The following DAPP1 variants were observed in gnomAD, a reference collection of about 807,000 sequenced individuals.
The protein encoded by DAPP1 is dual adapter for phosphotyrosine and 3-phosphotyrosine and 3-phosphoinositide.
In DAPP1, 20 loss-of-function variants were observed where a neutral mutation model predicts 41.5. That is an observed-to-expected ratio of 0.48 (90% CI 0.34 to 0.70). DAPP1 has a LOEUF of 0.70. Among genes scored for constraint, DAPP1 ranks in the 30% least tolerant of loss-of-function variants. DAPP1 has a pLI of 0.01. For synonymous variants in DAPP1, 113 were observed against 116.2 expected, an observed-to-expected ratio of 0.97 and a Z score of 0.18; for missense variants, 233 against 333.4, an observed-to-expected ratio of 0.70 and a Z score of 2.35.
chr4:99,834,160 A>G (rs1723216403), intron 1 of DAPP1, among the ~76,000 whole-genome samples: 1 of 152,230 alleles, frequency 6.6e-6, no homozygotes, highest in South Asian at 2.1e-4. Context: ...TGGAGAAAAG[A>G]AAGATGGTGC....
intron 1 of DAPP1, among the ~76,000 whole-genome samples, chr4:99,827,292 T>G (rs550394688): frequency 3.3e-5 from 5 of 152,140 alleles, no homozygotes; most frequent in Admixed American, 2.6e-4. Context: ...CTCAGCACTT[T>G]GGGAGGCTGA....
intron 3 of DAPP1, 119 bp downstream of exon 3, chr4:99,840,541 A>C: frequency 8.4e-7 from 1 of 1,191,838 alleles, no homozygotes; most frequent in Non-Finnish European, 1.2e-6. Flanking sequence ...TATCTTGAAG[A>C]GAAAACAATG....
chr4:99,841,946 C>T (rs1271737274), intron 3 of DAPP1, among the ~76,000 whole-genome samples: 1 of 152,194 alleles, frequency 6.6e-6, no homozygotes, highest in African/African-American at 2.4e-5. Flanking sequence ...CTATTTTCAA[C>T]TTCTTTGATC....
At chr4:99,830,740 A>G (rs1723094274) in intron 1 of DAPP1, among the ~76,000 whole-genome samples, 1 of 152,006 alleles carries the variant, frequency 6.6e-6, no homozygotes, top group Admixed American at 6.6e-5. Flanking sequence ...CAGACTTTTA[A>G]TAGGAAAAAG....
chr4:99,826,256 T>C (rs1722933506), intron 1 of DAPP1, among the ~76,000 whole-genome samples: 1 of 152,208 alleles, frequency 6.6e-6, no homozygotes. Context: ...TTGTCATCTT[T>C]GGTCTAGATA....
chr4:99,869,518 G>T lies in DAPP1; in HGVS notation c.*1333G>T, dbSNP rs551734703. The T allele has an allele frequency of 6.6e-6, 1 of 152,114 alleles. No individual in the cohort carries two copies. The highest frequency in any genetic ancestry group is 1.5e-5 in the Non-Finnish European group (1 of 68,016). The allele number at this position is 152,114 out of a possible 1,614,324, so 9.4% of individuals were successfully genotyped here. On this transcript the variant is annotated 3_prime_UTR_variant, in exon 9 of 9. Coordinates refer to ENST00000512369, the MANE Select transcript of DAPP1 (RefSeq NM_014395.3). ...AGTTTCTTATTTAAACATCTCAGAC[G>T]CAAAAATTACATTAAATTTTTGTAT...
intron 6 of DAPP1, among the ~76,000 whole-genome samples, chr4:99,863,331 T>C (rs886305463): frequency 2.0e-5 from 3 of 152,180 alleles, no homozygotes; most frequent in Non-Finnish European, 4.4e-5. Flanking sequence ...GACAATGTAA[T>C]TATTCTCTTG....
At chr4:99,853,101 C>G in intron 3 of DAPP1, 117 bp from the exon 4 acceptor site, 1 of 1,146,440 alleles carries the variant, frequency 8.7e-7, no homozygotes, top group Non-Finnish European at 1.2e-6. Flanking sequence ...AGATAATGAG[C>G]GAGGGAATAC....
chr4:99,847,028 A>C (rs1723688110), intron 3 of DAPP1, among the ~76,000 whole-genome samples: 1 of 152,208 alleles, frequency 6.6e-6, no homozygotes, highest in Non-Finnish European at 1.5e-5. Flanking sequence ...TATTTTCTGA[A>C]CCTGAGGGCA....
At chr4:99,850,706 C>T (rs531548347) in intron 3 of DAPP1, among the ~76,000 whole-genome samples, 5 of 152,284 alleles carry the variant, frequency 3.3e-5, no homozygotes, top group African/African-American at 1.2e-4. Flanking sequence ...GATTACTAGA[C>T]TACCACCATT....
intron 4 of DAPP1, among the ~76,000 whole-genome samples, chr4:99,860,394 G>A (rs12330942): frequency 0.022 from 3,366 of 152,164 alleles, 65 homozygotes; most frequent in Middle Eastern, 0.082. Context: ...ACCTGCAACA[G>A]CCCAAAATAA....
In DAPP1 at chr4:99,863,091, T is replaced by A; in HGVS notation, c.600+19T>A. The A allele has an allele frequency of 6.6e-7, 1 of 1,511,452 alleles. No individual in the cohort carries two copies. The highest frequency in any genetic ancestry group is 8.9e-7 in the Non-Finnish European group (1 of 1,124,904). The allele number at this position is 1,511,452 out of a possible 1,614,324, so 93.6% of individuals were successfully genotyped here. On this transcript the variant is annotated intron_variant, in intron 6 of 8. Coordinates refer to ENST00000512369, the MANE Select transcript of DAPP1 (RefSeq NM_014395.3). ...CCAGATGGTGAGAAACATGATAATA[T>A]ATTTTTCCTTTAAAAATCAATTCTC...
chr4:99,866,129 T>A lies in DAPP1; in HGVS notation c.774+8T>A, dbSNP rs771734180. The A allele has an allele frequency of 6.6e-7, 1 of 1,514,108 alleles. No homozygotes were observed. The highest frequency in any genetic ancestry group is 1.7e-5 in the Admixed American group (1 of 58,892). The allele number at this position is 1,514,108 out of a possible 1,614,324, so 93.8% of individuals were successfully genotyped here. A position where few individuals can be genotyped will look rare whatever the true frequency, so the allele number is the denominator to read the frequency against. On this transcript the variant is annotated splice_region_variant and intron_variant, in intron 8 of 8. Transcript: ENST00000512369. ...ATATTACGCTGGAAATTGGTGAGAA[T>A]TTTTAAGCCTTCAGATGTCAAGTCT... is the stretch of plus-strand genomic sequence containing the variant.
At chr4:99,832,482 C>T (rs945185400) in intron 1 of DAPP1, among the ~76,000 whole-genome samples, 6 of 152,182 alleles carry the variant, frequency 3.9e-5, no homozygotes, top group African/African-American at 1.4e-4. Context: ...TATTGCACCA[C>T]TGACATCATG....
At chr4:99,866,894 C>G (rs1187063261) in intron 8 of DAPP1, among the ~76,000 whole-genome samples, 8 of 151,108 alleles carry the variant, frequency 5.3e-5, no homozygotes. Flanking sequence ...CTCAGCCTCC[C>G]GAATAGCTGG....
chr4:99,841,536 A>G (rs17029580), intron 3 of DAPP1, among the ~76,000 whole-genome samples: 9,387 of 152,304 alleles, frequency 0.062, 422 homozygotes, highest in Middle Eastern at 0.13. Flanking sequence ...TTTAACAAGC[A>G]GTTGTTCCCA....
chr4:99,853,076 A>G, intron 3 of DAPP1, 142 bp from the exon 4 acceptor site: 1 of 922,854 alleles, frequency 1.1e-6, no homozygotes, highest in Non-Finnish European at 1.6e-6. Context: ...CCTAATTGGT[A>G]TTTGATAACT....
intron 4 of DAPP1, among the ~76,000 whole-genome samples, chr4:99,855,708 T>C (rs527782305): frequency 2.0e-5 from 3 of 152,246 alleles, no homozygotes; most frequent in African/African-American, 4.8e-5. Flanking sequence ...GTATAGCTGC[T>C]GGGGAAAGAG....
intron 8 of DAPP1, among the ~76,000 whole-genome samples, chr4:99,867,092 T>C (rs968227303): frequency 6.6e-5 from 10 of 152,170 alleles, no homozygotes; most frequent in Non-Finnish European, 1.0e-4. Context: ...ACAAAATATT[T>C]TTCTTAATTA....
Sources: gnomAD v4.1 joint callset for allele counts (sites outside exome capture counted in the v4.1 genomes callset) on GRCh38, gnomAD v4.1.1 for gene constraint, MANE v1.5 for transcripts, NCBI Gene and HGNC (gene_info 2026-07-23, HGNC 2026-07-21) for gene names.